Variants in TRMT44 observed in about 807,000 individuals in gnomAD.
TRMT44 encodes probable tRNA (uracil-O(2)-)-methyltransferase.
A neutral mutation model predicts 77.3 loss-of-function variants in TRMT44; 78 were observed. The observed-to-expected ratio is 1.01, with a 90% CI of 0.84 to 1.22. The LOEUF (loss-of-function observed/expected upper bound fraction) is 1.22. Among genes scored for constraint, TRMT44 ranks in the 50% most tolerant of loss-of-function variants. The pLI, the probability that TRMT44 is intolerant of heterozygous loss-of-function variation, is 0.00. For synonymous variants in TRMT44, 391 were observed against 383.3 expected (o/e 1.02, Z -0.23); for missense variants, 1,090 against 964.4 (o/e 1.13, Z -1.73).
rs1727387997 is a variant in TRMT44, at chr4:8,476,351, C to T, written c.*350C>T. 3.3e-6 allele frequency: 1 copy of T among 307,296 alleles called. No individual in the cohort carries two copies. The highest frequency in any genetic ancestry group is 4.3e-5 in the South Asian group (1 of 23,492). The allele number at this position is 307,296 out of a possible 1,614,324, so 19.0% of individuals were successfully genotyped here. On this transcript the variant is annotated 3_prime_UTR_variant, in exon 11 of 11. Coordinates refer to ENST00000389737, the MANE Select transcript of TRMT44 (RefSeq NM_152544.3). ...GCCCTTCCCAGGGCGCTGTCCGACG[C>T]CTGCCCCACCATGTCCACATCTGTG...
downstream of TRMT44, among the ~76,000 whole-genome samples, chr4:8,497,158 AG>A (rs1237018196): frequency 7.7e-6 from 1 of 129,792 alleles, no homozygotes; most frequent in Non-Finnish European, 1.7e-5. Flanking sequence ...AGCAAGGTTG[AG>A]GGAAAAAAAA....
intron 2 of TRMT44, among the ~76,000 whole-genome samples, chr4:8,490,046 G>A (rs13141535): frequency 0.076 from 11,535 of 152,098 alleles, 453 homozygotes; most frequent in Middle Eastern, 0.13. Context: ...ACTTGGACCC[G>A]TCAACCCCTG....
intron 10 of TRMT44, chr4:8,473,683 G>C (rs1727179977): frequency 6.6e-6 from 1 of 152,656 alleles, no homozygotes; most frequent in African/African-American, 2.4e-5. Context: ...GGGTGGAGCA[G>C]ACTGTGGCTC....
At chr4:8,483,108 A>G (rs1168948482) in intron 2 of TRMT44, among the ~76,000 whole-genome samples, 1 of 152,194 alleles carries the variant, frequency 6.6e-6, no homozygotes, top group African/African-American at 2.4e-5. Context: ...TTTTGTATGA[A>G]TTGAAAAACT....
At chr4:8,513,502 CAT>C in the TRMT44 span, among the ~76,000 whole-genome samples, 1 of 152,182 alleles carries the variant, frequency 6.6e-6, no homozygotes, top group African/African-American at 2.4e-5. Context: ...AACCAGGAAA[CAT>C]AAAGTCTAAT....
chr4:8,511,647 C>G, the TRMT44 span, among the ~76,000 whole-genome samples: 1 of 151,396 alleles, frequency 6.6e-6, no homozygotes, highest in Non-Finnish European at 1.5e-5. Context: ...GAATTCGGCT[C>G]AATCAAGGCT....
Position 8,446,989 on chromosome 4 carries a change from G to C in TRMT44, c.734+399G>C, listed in dbSNP as rs1725099827. On this transcript the variant is annotated intron_variant, in intron 2 of 10. Coordinates refer to ENST00000389737, the MANE Select transcript of TRMT44 (RefSeq NM_152544.3). This position sits in a 1 kb window ranked among gnomAD's most constrained non-coding sequence, Gnocchi z 4.3. ...CAACCTCTACCTCCTGCATTTAAGT[G>C]ATTCTCGTGCCTCAGTCTGCACAGT... is the stretch of plus-strand genomic sequence containing the variant. 6.6e-6 allele frequency among the ~76,000 whole-genome samples: 1 copy of C among 152,146 alleles called. No homozygotes were observed. The highest frequency in any genetic ancestry group is 1.5e-5 in the Non-Finnish European group (1 of 68,028).
the TRMT44 span, among the ~76,000 whole-genome samples, chr4:8,508,481 C>T: frequency 6.6e-6 from 1 of 152,226 alleles, no homozygotes; most frequent in Admixed American, 6.5e-5. Flanking sequence ...GCCTGGCCAC[C>T]TCGTCCCCTC....
chr4:8,493,193 AGGTGGC>A (rs1728060275), intron 2 of TRMT44: 1 of 152,194 alleles, frequency 6.6e-6, no homozygotes, highest in Non-Finnish European at 1.5e-5. Context: ...ATGCAGCTGG[AGGTGGC>A]GGGATTCTGA....
intron 2 of TRMT44, among the ~76,000 whole-genome samples, chr4:8,490,696 A>G (rs1727973874): frequency 6.6e-6 from 1 of 152,188 alleles, no homozygotes; most frequent in South Asian, 2.1e-4. Context: ...GAGCAGTAGC[A>G]AGATTTATTG....
chr4:8,458,464 C>CTTTTTTTTTTT (rs56203512), intron 6 of TRMT44, among the ~76,000 whole-genome samples: 1 of 130,314 alleles, frequency 7.7e-6, no homozygotes, highest in African/African-American at 2.8e-5. Flanking sequence ...CTTTTCTTTT[C>CTTTTTTTTTTT]TTTTTTTTTT....
chr4:8,480,174 T>C (rs568825046), downstream of TRMT44, among the ~76,000 whole-genome samples: 1 of 152,262 alleles, frequency 6.6e-6, no homozygotes, highest in East Asian at 1.9e-4. Context: ...AAAGAATTCA[T>C]CTGAAGAGCA....
chr4:8,514,797 T>C, the TRMT44 span, among the ~76,000 whole-genome samples: 5 of 152,156 alleles, frequency 3.3e-5, no homozygotes, highest in African/African-American at 1.2e-4. Flanking sequence ...CTAAAAATGT[T>C]GTACTTAACA....
chr4:8,487,203 C>T (rs1033293124), intron 2 of TRMT44, among the ~76,000 whole-genome samples: 1 of 152,028 alleles, frequency 6.6e-6, no homozygotes, highest in African/African-American at 2.4e-5. Context: ...TGGGGTCAAG[C>T]GGCATTGCAG....
chr4:8,441,040 G>C lies in TRMT44; in HGVS notation c.218G>C (p.Gly73Ala). The C allele has an allele frequency of 6.7e-7, 1 of 1,492,156 alleles. No individual in the cohort carries two copies. The highest frequency in any genetic ancestry group is 1.3e-5 in the South Asian group (1 of 76,888). The allele number at this position is 1,492,156 out of a possible 1,614,324, so 92.4% of individuals were successfully genotyped here. A position where few individuals can be genotyped will look rare whatever the true frequency, so the allele number is the denominator to read the frequency against. Reference protein sequence around the residue: ...AGSEQKERGPGPGQGSPGGGP... With the variant: ...AGSEQKERGPAPGQGSPGGGP... ...TCGGAGCAGAAGGAGCGGGGTCCGG[G>C]ACCCGGCCAGGGTTCCCCCGGAGGG... Residue 73 changes from glycine (G) to alanine (A), a missense_variant, in exon 1 of 11, where the codon GGA becomes GCA. Coordinates refer to ENST00000389737, the MANE Select transcript of TRMT44 (RefSeq NM_152544.3).
intron 7 of TRMT44, 67 bp downstream of exon 7, chr4:8,464,158 A>G (rs1726364969): frequency 1.5e-6 from 2 of 1,335,444 alleles, no homozygotes; most frequent in East Asian, 4.8e-5. Flanking sequence ...AGTGGTGTCC[A>G]AAAGGGTAGC....
the TRMT44 span, chr4:8,509,813 G>A: frequency 3.9e-5 from 6 of 152,344 alleles, no homozygotes; most frequent in East Asian, 1.9e-4. Context: ...AGCCATGAGC[G>A]AGGCCTCACG....
At chr4:8,506,888 C>G in the TRMT44 span, 2 of 152,602 alleles carry the variant, frequency 1.3e-5, no homozygotes, top group Non-Finnish European at 2.9e-5. Flanking sequence ...GGTCAGCCGC[C>G]TGCAACAGGC....
chr4:8,504,835 C>T, the TRMT44 span, among the ~76,000 whole-genome samples: 1 of 152,220 alleles, frequency 6.6e-6, no homozygotes, highest in Non-Finnish European at 1.5e-5. This position sits in a 1 kb window ranked among gnomAD's most constrained non-coding sequence, Gnocchi z 5.3. Context: ...CTCACCACCC[C>T]AGTCCCTGAG....
Sources: allele counts gnomAD v4.1 joint callset (sites outside exome capture counted in the v4.1 genomes callset), GRCh38; gene constraint gnomAD v4.1.1; non-coding constraint Gnocchi (gnomAD v3.1); transcripts MANE v1.5; gene names NCBI Gene and HGNC (gene_info 2026-07-23, HGNC 2026-07-21).